The following SFMBT1 variants were observed in gnomAD, a reference collection of about 807,000 sequenced individuals.
SFMBT1 encodes the protein Scm like with four mbt domains 1.
SFMBT1 carries 32 observed loss-of-function variants against 108.7 expected under a neutral mutation model. The observed-to-expected ratio is 0.29, with a 90% confidence interval of 0.22 to 0.40. The LOEUF is 0.40. Ranked by LOEUF, SFMBT1 falls within the 10% of genes least tolerant of loss-of-function variation. SFMBT1 has a pLI of 1.00. For synonymous variants in SFMBT1, 348 were observed against 369.5 expected (o/e 0.94, Z 0.67); for missense variants, 816 against 1,059.6 (o/e 0.77, Z 3.19).
intron 1 of SFMBT1, among the ~76,000 whole-genome samples, chr3:53,009,995 G>C (rs1412841426): frequency 6.6e-6 from 1 of 152,132 alleles, no homozygotes; most frequent in Non-Finnish European, 1.5e-5. Flanking sequence ...ACATAAAGTG[G>C]ACCCATGTGA....
Position 52,907,116 on chromosome 3 carries a change from G to A in SFMBT1, c.2284C>T (p.Arg762Cys), listed in dbSNP as rs549341438. The A allele has an allele frequency of 1.1e-5, 17 of 1,614,144 alleles. No individual in the cohort carries two copies. In the South Asian group the frequency reaches 1.1e-4, roughly 10 times the overall value. The part of the protein sequence containing the change: ...PDRQRRKREL[R>C]TFSFSDDENK... ...TCATCGTCAGAAAATGAAAAGGTGC[G>A]AAGCTCCCTTTTTCTCCTTTGTCTA... Residue 762 changes from arginine (R) to cysteine (C), a missense_variant, in exon 19 of 21, where the codon CGC (arginine) becomes TGC (cysteine). Arg to Cys is a radical substitution (Grantham distance 180). Transcript: ENST00000394752.
intron 1 of SFMBT1, among the ~76,000 whole-genome samples, chr3:52,997,241 G>A (rs192428071): frequency 9.3e-5 from 14 of 149,760 alleles, no homozygotes; most frequent in African/African-American, 2.7e-4. Context: ...ACTAGTGAAT[G>A]GATAAACAAA....
intron 3 of SFMBT1, among the ~76,000 whole-genome samples, chr3:52,946,889 AGC>A (rs1703385520): frequency 2.0e-5 from 3 of 150,948 alleles, no homozygotes; most frequent in Admixed American, 6.6e-5. Context: ...CTCATGCCTC[AGC>A]CTCCCAAGTA....
At chr3:52,954,481 CTT>C in intron 2 of SFMBT1, 70 bp from the exon 3 acceptor site, 1 of 1,151,802 alleles carries the variant, frequency 8.7e-7, no homozygotes, top group Non-Finnish European at 1.3e-6. Flanking sequence ...AAAATATAAA[CTT>C]AATAAACCTA....
At position 52,940,279 on chromosome 3, in the gene SFMBT1, C is replaced by T. The variant is rs143423958; in HGVS notation, c.364+3074G>A. On this transcript the variant is annotated intron_variant, in intron 4 of 20. Transcript: ENST00000394752. The stretch of plus-strand genomic sequence containing the variant: ...ACACTCAGATCTTCGTTTCCAAATA[C>T]CATTCTTCACTAAAAGAAAAGACTT... Among the ~76,000 whole-genome samples, 1,255 of 152,328 alleles carry T rather than the reference C, an allele frequency of 8.2e-3. 21 individuals carry two copies. Among genetic ancestry groups the T allele is most frequent in the African/African-American group, 0.029 (1,197 of 41,572 alleles).
Position 52,907,141 on chromosome 3 carries a change from A to C in SFMBT1, c.2259T>G (p.Asp753Glu). 6.2e-7 allele frequency: 1 copy of C among 1,614,198 alleles called. No individual in the cohort carries two copies. Residue 753 changes from aspartate to glutamate, a missense_variant, in exon 19 of 21, where the codon GAT (aspartate) becomes GAG (glutamate). Transcript: ENST00000394752. ...GAAGCTCCCTTTTTCTCCTTTGTCTATCTGGAGGCAGCGATGTGGATATCT... is the reference window on the plus strand; with the variant it reads ...GAAGCTCCCTTTTTCTCCTTTGTCTCTCTGGAGGCAGCGATGTGGATATCT... ...QSEISTSLPP[D>E]RQRRKRELRT...
chr3:52,996,206 C>CTTTTTTTTTTTTT (rs35167235), intron 1 of SFMBT1, among the ~76,000 whole-genome samples: 1 of 88,128 alleles, frequency 1.1e-5, no homozygotes, highest in African/African-American at 4.6e-5. Context: ...ATAAACAATC[C>CTTTTTTTTTTTTT]TTTTTTTTTT....
At chr3:52,914,604 TGTG>T (rs2106769299) in intron 14 of SFMBT1, among the ~76,000 whole-genome samples, 1 of 152,082 alleles carries the variant, frequency 6.6e-6, no homozygotes, top group East Asian at 1.9e-4. Context: ...ATCAGCCACA[TGTG>T]GTGGCATATG....
At chr3:52,954,164 A>G (rs181967962) in intron 3 of SFMBT1, among the ~76,000 whole-genome samples, 153 bp downstream of exon 3, 1 of 152,264 alleles carries the variant, frequency 6.6e-6, no homozygotes, top group Admixed American at 6.5e-5. Context: ...GAATATGGCA[A>G]GTGTTCTTAC....
intron 2 of SFMBT1, among the ~76,000 whole-genome samples, chr3:52,962,808 C>CCAA (rs1704007442): frequency 9.9e-6 from 1 of 101,460 alleles, no homozygotes; most frequent in Non-Finnish European, 1.8e-5. Flanking sequence ...CTCCCTGTCT[C>CCAA]AAAAAAAAAA....
At chr3:52,919,561 C>T (rs1168071118) in intron 12 of SFMBT1, among the ~76,000 whole-genome samples, 1 of 152,218 alleles carries the variant, frequency 6.6e-6, no homozygotes. Context: ...TGAAAATGTT[C>T]TCAATCTGAC....
chr3:52,946,192 A>G (rs1213238195), intron 3 of SFMBT1, among the ~76,000 whole-genome samples: 4 of 152,260 alleles, frequency 2.6e-5, no homozygotes, highest in Non-Finnish European at 5.9e-5. Context: ...AGTCCATAAA[A>G]GACAAAGAAA....
intron 1 of SFMBT1, among the ~76,000 whole-genome samples, chr3:53,023,435 A>G (rs1699379813): frequency 6.6e-6 from 1 of 152,020 alleles, no homozygotes; most frequent in African/African-American, 2.4e-5. Context: ...CTAAGATCTC[A>G]CTCTGTGTTA....
intron 1 of SFMBT1, among the ~76,000 whole-genome samples, chr3:53,000,972 T>C (rs1575430137): frequency 6.7e-6 from 1 of 150,198 alleles, no homozygotes; most frequent in African/African-American, 2.4e-5. Flanking sequence ...TGAAACCGCA[T>C]TGGCTGTGAG....
chr3:52,973,123 G>A (rs971989946), intron 1 of SFMBT1, among the ~76,000 whole-genome samples: 38 of 152,184 alleles, frequency 2.5e-4, no homozygotes, highest in Admixed American at 3.9e-4. Flanking sequence ...AGCCTGAGGC[G>A]GAAGGATCTC....
rs57640588 is a variant in SFMBT1, at chr3:53,040,968, A to ATTTTTTTTTTTTTTTTTTT, written c.-131+4829_-131+4847dup. Among the ~76,000 whole-genome samples the ATTTTTTTTTTTTTTTTTTT allele has an allele frequency of 1.1e-3, 53 of 46,386 alleles. 6 individuals are homozygous for ATTTTTTTTTTTTTTTTTTT. The highest frequency in any genetic ancestry group is 1.4e-3 in the African/African-American group (17 of 11,918). The allele number at this position is 46,386 out of a possible 152,430, so 30.4% of individuals were successfully genotyped here. A position where few individuals can be genotyped will look rare whatever the true frequency, so the allele number is the denominator to read the frequency against. On this transcript the variant is annotated intron_variant, in intron 1 of 20. Transcript: ENST00000394752. ...TACAGGCATGCACCAAGACACCTGA[A>ATTTTTTTTTTTTTTTTTTT]TTTTTTTTTTTTTTTTTTTTTTTTT...
chr3:52,954,187 G>T, intron 3 of SFMBT1, 130 bp downstream of exon 3: 1 of 665,840 alleles, frequency 1.5e-6, no homozygotes, highest in Non-Finnish European at 2.6e-6. Context: ...AGGGTGGCAG[G>T]AGGAAAGAAA....
chr3:52,911,072 G>A lies in SFMBT1; in HGVS notation c.1837C>T (p.Leu613Phe). 1.2e-6 allele frequency: 2 copies of A among 1,614,160 alleles called. No homozygotes were observed. The highest frequency in any genetic ancestry group is 1.7e-6 in the Non-Finnish European group (2 of 1,180,018). ...TCIKLECCPNLFGPRMVLDKC... is the reference protein window; with the variant it reads ...TCIKLECCPNFFGPRMVLDKC... ...TCCAGAACCATCCGTGGACCGAAGA[G>A]GTTAGGACAGCATTCCAGTTTGATA... The change falls in exon 17 of 21, where the codon CTC becomes TTC. Residue 613 changes from leucine to phenylalanine, a missense_variant. Transcript: ENST00000394752.
At chr3:53,033,775 A>C (rs893220475) in intron 1 of SFMBT1, among the ~76,000 whole-genome samples, 1 of 151,828 alleles carries the variant, frequency 6.6e-6, no homozygotes, top group Non-Finnish European at 1.5e-5. Context: ...AAGACAAAAA[A>C]AAAAAAAAAA....
Sources: gnomAD v4.1 joint callset for allele counts (sites outside exome capture counted in the v4.1 genomes callset) on GRCh38, gnomAD v4.1.1 for gene constraint, MANE v1.5 for transcripts, NCBI Gene and HGNC (gene_info 2026-07-23, HGNC 2026-07-21) for gene names.